UBE2H: variants seen among roughly 807,000 people sequenced by gnomAD.
UBE2H encodes the protein ubiquitin conjugating enzyme E2 H.
UBE2H carries 3 observed loss-of-function variants against 29.0 expected under a neutral mutation model. The ratio of observed to expected loss-of-function variants is 0.10; its 90% confidence interval spans 0.05 to 0.27. The LOEUF (loss-of-function observed/expected upper bound fraction) is 0.27. Ranked by LOEUF, UBE2H falls within the 10% of genes least tolerant of loss-of-function variation. UBE2H has a pLI of 1.00. For missense variants in UBE2H, 68 were observed against 228.2 expected (o/e 0.30, Z 4.52); for synonymous variants, 69 against 82.9 (o/e 0.83, Z 0.91).
At chr7:129,849,905 T>C (rs898546297) in intron 5 of UBE2H, among the ~76,000 whole-genome samples, 1 of 152,220 alleles carries the variant, frequency 6.6e-6, no homozygotes, top group African/African-American at 2.4e-5. Context: ...CAGATTCACA[T>C]ATCTTCTCAT....
intron 1 of UBE2H, among the ~76,000 whole-genome samples, chr7:129,895,367 C>T (rs913146193): frequency 2.6e-5 from 4 of 152,164 alleles, no homozygotes; most frequent in African/African-American, 4.8e-5. Context: ...AGAACCTTGT[C>T]ATTCCAAAGG....
intron 1 of UBE2H, among the ~76,000 whole-genome samples, chr7:129,906,212 C>T (rs56323117): frequency 0.062 from 8,879 of 143,038 alleles, 333 homozygotes; most frequent in Non-Finnish European, 0.091. Flanking sequence ...TTTTTTCTTT[C>T]TTTTTTTTTT....
intron 1 of UBE2H, among the ~76,000 whole-genome samples, chr7:129,903,976 G>C (rs567432231): frequency 6.6e-6 from 1 of 152,324 alleles, no homozygotes; most frequent in South Asian, 2.1e-4. Flanking sequence ...AAAAGAATGT[G>C]CAAAATTAAC....
intron 1 of UBE2H, among the ~76,000 whole-genome samples, chr7:129,942,146 G>A (rs971442777): frequency 3.4e-5 from 5 of 147,726 alleles, no homozygotes; most frequent in South Asian, 2.1e-4. Context: ...CCGGAAGTTC[G>A]AGGCTGCAGT....
At chr7:129,900,477 T>C (rs1437094800) in intron 1 of UBE2H, among the ~76,000 whole-genome samples, 1 of 152,184 alleles carries the variant, frequency 6.6e-6, no homozygotes, top group African/African-American at 2.4e-5. Flanking sequence ...ATTTTATAGT[T>C]TCGAATATTA....
intron 1 of UBE2H, among the ~76,000 whole-genome samples, chr7:129,897,927 T>G (rs1282738725): frequency 6.6e-6 from 1 of 151,882 alleles, no homozygotes; most frequent in Non-Finnish European, 1.5e-5. Context: ...AAATAGCTAT[T>G]ATAAGCTGCC....
At chr7:129,946,631 A>G (rs571475299) in intron 1 of UBE2H, among the ~76,000 whole-genome samples, 4 of 151,662 alleles carry the variant, frequency 2.6e-5, no homozygotes, top group Admixed American at 2.6e-4. Flanking sequence ...GTTTTAACAA[A>G]CTCTCCAGGT....
chr7:129,883,662 C>T (rs1430535928), intron 1 of UBE2H, among the ~76,000 whole-genome samples: 1 of 152,080 alleles, frequency 6.6e-6, no homozygotes, highest in Non-Finnish European at 1.5e-5. Flanking sequence ...GCCAACATGG[C>T]GAAACCCTAT....
At position 129,952,701 on chromosome 7, in the gene UBE2H, G is replaced by T. The variant is rs17162882; in HGVS notation, c.-146C>A. 52 of 736,862 alleles carry T rather than the reference G, an allele frequency of 7.1e-5. No individual in the cohort carries two copies. Among genetic ancestry groups the T allele is most frequent in the East Asian group, 1.1e-4 (3 of 28,440 alleles). The allele number at this position is 736,862 out of a possible 1,614,324, so 45.6% of individuals were successfully genotyped here. ...GGCGGTCCCGTCAGCCGCCGCCGCC[G>T]CCCCCCGCACGGGGGAACACCGGGC... is the stretch of plus-strand genomic sequence containing the variant. On this transcript the variant is annotated 5_prime_UTR_variant, in exon 1 of 7. Coordinates refer to ENST00000355621, the MANE Select transcript of UBE2H (RefSeq NM_003344.4).
chr7:129,932,799 T>TAAAAAAAA (rs1584795024), intron 1 of UBE2H, among the ~76,000 whole-genome samples: 6 of 111,138 alleles, frequency 5.4e-5, no homozygotes, highest in Admixed American at 9.6e-5. Flanking sequence ...AAAAAAAAAG[T>TAAAAAAAA]CCTGTCAGAA....
At chr7:129,928,094 A>G (rs1807309267) in intron 1 of UBE2H, among the ~76,000 whole-genome samples, 1 of 150,070 alleles carries the variant, frequency 6.7e-6, no homozygotes, top group African/African-American at 2.4e-5. Flanking sequence ...ATACTTTGGG[A>G]GGCTGAGGCA....
At chr7:129,904,104 G>A (rs984773342) in intron 1 of UBE2H, among the ~76,000 whole-genome samples, 3 of 152,202 alleles carry the variant, frequency 2.0e-5, no homozygotes, top group South Asian at 4.2e-4. Flanking sequence ...TGCCTGACAC[G>A]GTCTCAGTCT....
chr7:129,924,282 G>A (rs1054513227), intron 1 of UBE2H, among the ~76,000 whole-genome samples: 1 of 152,112 alleles, frequency 6.6e-6, no homozygotes, highest in African/African-American at 2.4e-5. Context: ...GAAATGAAAG[G>A]ATAACAACAC....
chr7:129,865,984 G>T (rs1333390399), intron 3 of UBE2H, among the ~76,000 whole-genome samples: 2 of 152,138 alleles, frequency 1.3e-5, no homozygotes, highest in Admixed American at 1.3e-4. Flanking sequence ...GACAGACATT[G>T]GCCAGCTATG....
chr7:129,925,935 C>G (rs56333543), intron 1 of UBE2H, among the ~76,000 whole-genome samples: 9,472 of 152,248 alleles, frequency 0.062, 366 homozygotes, highest in Non-Finnish European at 0.091. Context: ...ACTGTTACTA[C>G]CAGCCAACTA....
chr7:129,918,797 A>C (rs1156827991), intron 1 of UBE2H, among the ~76,000 whole-genome samples: 1 of 152,186 alleles, frequency 6.6e-6, no homozygotes, highest in Non-Finnish European at 1.5e-5. Flanking sequence ...AAGAAAAGAA[A>C]GAAGGCTGTG....
chr7:129,836,610 C>T (rs1435744362), intron 6 of UBE2H, among the ~76,000 whole-genome samples: 2 of 152,024 alleles, frequency 1.3e-5, no homozygotes, highest in Non-Finnish European at 2.9e-5. Flanking sequence ...CCAGGTGCAG[C>T]GGCTCATGCC....
chr7:129,846,931 C>A (rs75724771), intron 5 of UBE2H, among the ~76,000 whole-genome samples: 2 of 152,124 alleles, frequency 1.3e-5, no homozygotes, highest in South Asian at 4.1e-4. Context: ...TCCTGCACAG[C>A]GGCTCAAATT....
intron 1 of UBE2H, among the ~76,000 whole-genome samples, chr7:129,948,080 G>C (rs1462834226): frequency 6.6e-6 from 1 of 151,816 alleles, no homozygotes; most frequent in Non-Finnish European, 1.5e-5. Flanking sequence ...GGCTTGTCCC[G>C]AACTCCTGAC....
Sources: gnomAD v4.1 joint callset for allele counts (sites outside exome capture counted in the v4.1 genomes callset) on GRCh38, gnomAD v4.1.1 for gene constraint, MANE v1.5 for transcripts, NCBI Gene and HGNC (gene_info 2026-07-23, HGNC 2026-07-21) for gene names.